The following NDUFS1 variants were observed in gnomAD, a reference collection of about 807,000 sequenced individuals.
The protein encoded by NDUFS1 is NADH:ubiquinone oxidoreductase core subunit S1.
Under a neutral mutation model 84.4 loss-of-function variants are expected in NDUFS1, and 61 were observed. That is an observed-to-expected ratio of 0.72 (90% confidence interval 0.59 to 0.89). NDUFS1 has a LOEUF of 0.89. Ranked by LOEUF, NDUFS1 falls within the 40% of genes least tolerant of loss-of-function variation. The probability of loss-of-function intolerance (pLI) is 0.00; values close to 1 mark genes in which losing one functional copy is unlikely to be tolerated. For missense variants in NDUFS1, 891 were observed against 890.0 expected (o/e 1.00, Z -0.01); for synonymous variants, 275 against 290.0 (o/e 0.95, Z 0.53).
intron 1 of NDUFS1, among the ~76,000 whole-genome samples, chr2:206,157,072 C>T (rs1263815357): frequency 3.3e-5 from 5 of 152,206 alleles, no homozygotes; most frequent in African/African-American, 9.6e-5. Context: ...ATTCTCTTGC[C>T]TCCCAAGTAG....
rs1691448209 is a variant in NDUFS1 at position 206,130,122 on chromosome 2, C to G, written c.1674G>C (p.Gln558His). Residue 558 changes from glutamine (Q) to histidine (H), a missense_variant, in exon 15 of 19, where the codon CAG becomes CAC. Gln to His is a conservative substitution (Grantham distance 24). Coordinates refer to ENST00000233190, the MANE Select transcript of NDUFS1 (RefSeq NM_005006.7). ...LGADGGCITR[Q>H]DLPKDCFIIY... ...TAATGAAACAATCCTTTGGCAAATC[C>G]TGTCGTGTGATACAACCTCCATCTG... 1 of 1,614,136 alleles carries G rather than the reference C, an allele frequency of 6.2e-7. No homozygotes were observed. Among genetic ancestry groups the G allele is most frequent in the Non-Finnish European group, 8.5e-7 (1 of 1,180,032 alleles).
intron 15 of NDUFS1, among the ~76,000 whole-genome samples, chr2:206,129,447 G>A (rs1038296885): frequency 1.3e-5 from 2 of 151,894 alleles, no homozygotes; most frequent in Admixed American, 6.6e-5. Flanking sequence ...ATTTTTTGTA[G>A]AAACAGGGTC....
intron 8 of NDUFS1, 101 bp downstream of exon 8, chr2:206,146,802 A>T: frequency 8.5e-7 from 1 of 1,171,196 alleles, no homozygotes; most frequent in Non-Finnish European, 1.2e-6. Flanking sequence ...AAGTCAACAG[A>T]CCAAAACAAC....
rs1690977285 is a variant in NDUFS1 at position 206,117,384 on chromosome 2, C to A, written c.*6801G>T. On this transcript the variant is annotated 3_prime_UTR_variant, in exon 19 of 19. Coordinates refer to ENST00000233190, the MANE Select transcript of NDUFS1 (RefSeq NM_005006.7). The stretch of plus-strand genomic sequence containing the variant: ...AGGACATTAGCTAAATTGTATTTCT[C>A]TTTGTAGTCTTGGGTAATGTACTTG... 6.6e-6 allele frequency: 1 copy of A among 152,204 alleles called. No individual in the cohort carries two copies. Among genetic ancestry groups the A allele is most frequent in the African/African-American group, 2.4e-5 (1 of 41,464 alleles). 9.4% of individuals were successfully genotyped at this position (152,204 alleles called of 1,614,324 possible).
At chr2:206,130,583 G>C (rs1189431082) in intron 14 of NDUFS1, among the ~76,000 whole-genome samples, 2 of 152,118 alleles carry the variant, frequency 1.3e-5, no homozygotes, top group African/African-American at 4.8e-5. Context: ...TTGAACTCTT[G>C]ACCTCAGGTG....
intron 12 of NDUFS1, 126 bp from the exon 13 acceptor site, chr2:206,138,740 G>T: frequency 1.9e-6 from 2 of 1,066,864 alleles, no homozygotes; most frequent in South Asian, 1.3e-5. Context: ...ACATTTAACA[G>T]ATATGATTTA....
Position 206,115,943 on chromosome 2 carries a change from A to T in NDUFS1, c.*8242T>A. On this transcript the variant is annotated 3_prime_UTR_variant, in exon 19 of 19. Coordinates refer to ENST00000233190, the MANE Select transcript of NDUFS1 (RefSeq NM_005006.7). ...ACACATATTATGTTTATCTACAATC[A>T]TTAGAAAGTTAAAAGGCATCTTCTT... 1.5e-6 allele frequency: 1 copy of T among 665,078 alleles called. No homozygotes were observed. The highest frequency in any genetic ancestry group is 1.7e-5 in the South Asian group (1 of 58,800). 41.2% of individuals were successfully genotyped at this position (665,078 alleles called of 1,614,324 possible).
At chr2:206,158,698 A>G (rs1180413116) in intron 1 of NDUFS1, among the ~76,000 whole-genome samples, 4 of 152,260 alleles carry the variant, frequency 2.6e-5, no homozygotes, top group Non-Finnish European at 5.9e-5. Flanking sequence ...TCGTGTGTGA[A>G]CAGAGTTGTG....
In NDUFS1 at chr2:206,124,271, T is replaced by C. The variant is rs755681983; in HGVS notation, c.2098A>G (p.Ile700Val). The C allele has an allele frequency of 1.6e-5, 26 of 1,608,808 alleles. 1 individual carries two copies. Among genetic ancestry groups the C allele is most frequent in the Middle Eastern group, 3.3e-4 (2 of 6,074 alleles). The part of the protein sequence containing the change: ...TIKDFYMTDS[I>V]SRASQTMAKC... ...GCCATTGTCTGTGAGGCTCTGCTAATTGAATCTGAAAGATATTAAGAAAAT... is the reference window on the plus strand; with the variant it reads ...GCCATTGTCTGTGAGGCTCTGCTAACTGAATCTGAAAGATATTAAGAAAAT... Residue 700 changes from isoleucine (I) to valine (V), a missense_variant, in exon 19 of 19, where the codon ATT (isoleucine) becomes GTT (valine). Coordinates refer to ENST00000233190, the MANE Select transcript of NDUFS1 (RefSeq NM_005006.7).
At chr2:206,124,732 G>A (rs1008549843) in intron 18 of NDUFS1, among the ~76,000 whole-genome samples, 5 of 151,970 alleles carry the variant, frequency 3.3e-5, no homozygotes, top group African/African-American at 7.3e-5. Context: ...CCAGCTACTC[G>A]GGAGTCTGAG....
intron 14 of NDUFS1, among the ~76,000 whole-genome samples, chr2:206,130,918 A>G (rs1375954650): frequency 6.6e-6 from 1 of 152,234 alleles, no homozygotes; most frequent in Non-Finnish European, 1.5e-5. Flanking sequence ...TCAAAAATGA[A>G]AAGGGAGAAA....
chr2:206,128,419 G>A (rs1691378326), intron 15 of NDUFS1, among the ~76,000 whole-genome samples: 1 of 151,504 alleles, frequency 6.6e-6, no homozygotes, highest in Non-Finnish European at 1.5e-5. Flanking sequence ...ACCCGCCTCA[G>A]CCTCCCAAAG....
intron 3 of NDUFS1, 106 bp from the exon 4 acceptor site, chr2:206,150,031 A>G (rs890141251): frequency 1.4e-6 from 1 of 699,694 alleles, no homozygotes; most frequent in Admixed American, 2.6e-5. Flanking sequence ...ACTTCTATCT[A>G]TCTATCTATC....
intron 10 of NDUFS1, among the ~76,000 whole-genome samples, chr2:206,143,081 A>G (rs1575977210): frequency 6.6e-6 from 1 of 152,240 alleles, no homozygotes; most frequent in East Asian, 1.9e-4. Flanking sequence ...GTGAAATCCC[A>G]TCTCTACTAA....
rs951765548 is a variant in NDUFS1, at chr2:206,131,659, C to T, written c.1553+1286G>A. 5.3e-5 allele frequency among the ~76,000 whole-genome samples: 8 copies of T among 151,588 alleles called. 1 individual carries two copies. The highest frequency in any genetic ancestry group is 2.1e-4 in the South Asian group (1 of 4,802). Reference sequence around the variant, plus strand: ...TCTACTAAAAACAAAAAAATTAGGCCGGGCGTGGTGGCTCACACCTGTAAT... The same window carrying T: ...TCTACTAAAAACAAAAAAATTAGGCTGGGCGTGGTGGCTCACACCTGTAAT... On this transcript the variant is annotated intron_variant, in intron 14 of 18. Coordinates refer to ENST00000233190, the MANE Select transcript of NDUFS1 (RefSeq NM_005006.7).
chr2:206,115,418 G>A lies in NDUFS1; in HGVS notation c.*8767C>T, dbSNP rs910780542. 3 of 163,034 alleles carry A rather than the reference G, an allele frequency of 1.8e-5. No homozygotes were observed. The highest frequency in any genetic ancestry group is 4.8e-5 in the African/African-American group (2 of 41,524). 10.1% of individuals were successfully genotyped at this position (163,034 alleles called of 1,614,324 possible). A position where few individuals can be genotyped will look rare whatever the true frequency, so the allele number is the denominator to read the frequency against. On this transcript the variant is annotated 3_prime_UTR_variant, in exon 19 of 19. Transcript: ENST00000233190. ...ATTTGATTGATGCCATTATAAAAAG[G>A]GTTTGCGGGAGCATGTTAGCTCTCC...
rs1690994993 is a variant in NDUFS1, at chr2:206,117,870, T to C, written c.*6315A>G. 6.6e-6 allele frequency: 1 copy of C among 152,194 alleles called. No homozygotes were observed. The allele number at this position is 152,194 out of a possible 1,614,324, so 9.4% of individuals were successfully genotyped here. On this transcript the variant is annotated 3_prime_UTR_variant, in exon 19 of 19. Transcript: ENST00000233190. ...GGTATAATACTAAAATTTTTTTTTG[T>C]ATAGTCCTTTACAGATCCAAAATTA... is the stretch of plus-strand genomic sequence containing the variant.
Position 206,153,671 on chromosome 2 carries a change from C to A in NDUFS1, c.8G>T (p.Arg3Met). 1 of 1,489,356 alleles carries A rather than the reference C, an allele frequency of 6.7e-7. No homozygotes were observed. Among genetic ancestry groups the A allele is most frequent in the South Asian group, 1.2e-5 (1 of 85,888 alleles). The allele number at this position is 1,489,356 out of a possible 1,614,324, so 92.3% of individuals were successfully genotyped here. The change falls in exon 2 of 19, where the codon AGG (arginine) becomes ATG (methionine). Residue 3 changes from arginine (R) to methionine (M), a missense_variant. By Grantham distance (91) the Arg-to-Met change is moderately conservative. Transcript: ENST00000233190. MLRIPVRKALVGL... is the reference protein window; with the variant it reads MLMIPVRKALVGL... ...TACTAAGGCCTTTCTTACAGGTATCCTTAACATATTGCTAAAAATAAAACA... is the reference window on the plus strand; with the variant it reads ...TACTAAGGCCTTTCTTACAGGTATCATTAACATATTGCTAAAAATAAAACA...
In NDUFS1 at chr2:206,127,876, C is replaced by G; in HGVS notation, c.1805G>C (p.Arg602Thr). The G allele has an allele frequency of 6.2e-7, 1 of 1,614,164 alleles. No homozygotes were observed. Among genetic ancestry groups the G allele is most frequent in the Non-Finnish European group, 8.5e-7 (1 of 1,180,020 alleles). ...CACTGCTACCTTAGTCTGCTGAGCT[C>G]TACCCTCAGTGTTGACATATGTAGC... ...KSATYVNTEGRAQQTKVAVTP... is the reference protein window; with the variant it reads ...KSATYVNTEGTAQQTKVAVTP... The change falls in exon 16 of 19, where the codon AGA becomes ACA. Residue 602 changes from arginine to threonine, a missense_variant. Physicochemically the swap from Arg to Thr is moderately conservative, Grantham distance 71. Transcript: ENST00000233190.
Sources: allele counts gnomAD v4.1 joint callset (sites outside exome capture counted in the v4.1 genomes callset), GRCh38; gene constraint gnomAD v4.1.1; transcripts MANE v1.5; gene names NCBI Gene and HGNC (gene_info 2026-07-23, HGNC 2026-07-21).